Variants in HS3ST2 observed in about 807,000 individuals in gnomAD.
HS3ST2 encodes heparan sulfate-glucosamine 3-sulfotransferase 2.
A neutral mutation model predicts 26.3 loss-of-function variants in HS3ST2; 17 were observed. The ratio of observed to expected loss-of-function variants is 0.65; its 90% CI spans 0.44 to 0.97. The LOEUF (loss-of-function observed/expected upper bound fraction) is 0.97, where lower values mean the gene tolerates loss of function less well. Ranked by LOEUF, HS3ST2 falls within the 50% of genes least tolerant of loss-of-function variation. The pLI is 0.00. For synonymous variants in HS3ST2, 237 were observed against 219.2 expected (o/e 1.08, Z -0.72); for missense variants, 402 against 501.2 (o/e 0.80, Z 1.89).
intron 1 of HS3ST2, among the ~76,000 whole-genome samples, chr16:22,829,738 C>G (rs563226823): frequency 2.6e-5 from 4 of 152,270 alleles, no homozygotes; most frequent in Admixed American, 2.6e-4. Flanking sequence ...GCTTTGGCTT[C>G]TCCTATATAA....
chr16:22,871,994 A>G (rs1901845812), intron 1 of HS3ST2, among the ~76,000 whole-genome samples: 1 of 152,216 alleles, frequency 6.6e-6, no homozygotes, highest in Non-Finnish European at 1.5e-5. Context: ...TAACGATTAC[A>G]GATGGTGCCA....
intron 1 of HS3ST2, among the ~76,000 whole-genome samples, chr16:22,909,602 G>C (rs980832780): frequency 6.6e-6 from 1 of 152,166 alleles, no homozygotes; most frequent in Non-Finnish European, 1.5e-5. Context: ...AAATATTCAA[G>C]GGTGTTTTTT....
At position 22,915,415 on chromosome 16, in the gene HS3ST2, G is replaced by T. The variant is rs779975261; in HGVS notation, c.957G>T (p.Ser319=). 30 of 1,613,676 alleles carry T rather than the reference G, an allele frequency of 1.9e-5. 1 individual carries two copies. The South Asian group carries it at 3.3e-4, about 18-fold the overall frequency. The change falls in exon 2 of 2, where the codon TCG becomes TCT. Residue 319 remains serine, a synonymous_variant. Coordinates refer to ENST00000261374, the MANE Select transcript of HS3ST2 (RefSeq NM_006043.2). ...KGFPCLKKTE[S]SLLPRCLGKS... ...TCCCTTGCTTGAAAAAAACAGAATC[G>T]AGCCTCCTGCCTCGATGCTTGGGCA...
chr16:22,866,538 G>C (rs1901755297), intron 1 of HS3ST2, among the ~76,000 whole-genome samples: 1 of 152,152 alleles, frequency 6.6e-6, no homozygotes, highest in African/African-American at 2.4e-5. Context: ...GGGAGGCTAA[G>C]GCAGGCAGAT....
chr16:22,831,671 A>G (rs747528299), intron 1 of HS3ST2, among the ~76,000 whole-genome samples: 33 of 152,030 alleles, frequency 2.2e-4, no homozygotes, highest in Non-Finnish European at 3.8e-4. Context: ...TGTAACTTGG[A>G]TGAATCTCAA....
In HS3ST2 at chr16:22,915,308, G is replaced by A. The variant is rs1029443879; in HGVS notation, c.850G>A (p.Glu284Lys). ...GERLITDPAG[E>K]MGRVQDFLGI... ...GCGACTCATCACTGACCCGGCCGGC[G>A]AGATGGGGCGAGTCCAGGACTTCCT... Residue 284 changes from glutamate to lysine, a missense_variant, in exon 2 of 2, where the codon GAG (glutamate) becomes AAG (lysine). Physicochemically the swap from Glu to Lys is moderately conservative, Grantham distance 56. Coordinates refer to ENST00000261374, the MANE Select transcript of HS3ST2 (RefSeq NM_006043.2). 1.2e-6 allele frequency: 2 copies of A among 1,614,032 alleles called. No individual in the cohort carries two copies. Among genetic ancestry groups the A allele is most frequent in the Non-Finnish European group, 1.7e-6 (2 of 1,180,004 alleles).
intron 1 of HS3ST2, among the ~76,000 whole-genome samples, chr16:22,846,678 G>A (rs1901437718): frequency 6.6e-6 from 1 of 152,190 alleles, no homozygotes; most frequent in African/African-American, 2.4e-5. Context: ...TACTGTTGAT[G>A]AGAAGGTGGA....
intron 1 of HS3ST2, among the ~76,000 whole-genome samples, chr16:22,901,263 C>T (rs772658438): frequency 3.3e-5 from 5 of 152,266 alleles, no homozygotes; most frequent in Admixed American, 6.5e-5. Flanking sequence ...ATCAATTAGC[C>T]GATTCTGATT....
chr16:22,878,261 A>G (rs1160672213), intron 1 of HS3ST2, among the ~76,000 whole-genome samples: 3 of 152,190 alleles, frequency 2.0e-5, no homozygotes, highest in Non-Finnish European at 4.4e-5. Context: ...TTTTTTTTAG[A>G]AGTTCAACTT....
chr16:22,815,024 G>A lies in HS3ST2; in HGVS notation c.414G>A (p.Pro138=). 6.2e-7 allele frequency: 1 copy of A among 1,613,162 alleles called. No homozygotes were observed. The highest frequency in any genetic ancestry group is 8.5e-7 in the Non-Finnish European group (1 of 1,180,028). Residue 138 remains proline, a synonymous_variant, in exon 1 of 2, where the codon CCG becomes CCA. Transcript: ENST00000261374. ...TGCTGGAGTTTATCCGAGTACACCC[G>A]GACGTGCGGGCCTTGGGCACGGAAC... ...RAVLEFIRVH[P]DVRALGTEPH...
intron 1 of HS3ST2, among the ~76,000 whole-genome samples, chr16:22,832,760 C>T (rs1489769585): frequency 2.0e-5 from 3 of 151,286 alleles, no homozygotes; most frequent in African/African-American, 4.9e-5. Context: ...AAAGATGGGC[C>T]ATGAGCCACA....
chr16:22,911,539 C>T (rs1199293541), intron 1 of HS3ST2, among the ~76,000 whole-genome samples: 1 of 152,174 alleles, frequency 6.6e-6, no homozygotes, highest in Non-Finnish European at 1.5e-5. Flanking sequence ...AAATTGTTAG[C>T]AGGGTTGGTT....
At chr16:22,883,395 A>T (rs1228819406) in intron 1 of HS3ST2, among the ~76,000 whole-genome samples, 1 of 152,270 alleles carries the variant, frequency 6.6e-6, no homozygotes, top group Non-Finnish European at 1.5e-5. Flanking sequence ...TTGGATGAAT[A>T]GGAGATATTT....
At chr16:22,835,243 A>T (rs901994037) in intron 1 of HS3ST2, among the ~76,000 whole-genome samples, 4 of 151,446 alleles carry the variant, frequency 2.6e-5, no homozygotes, top group African/African-American at 9.7e-5. Flanking sequence ...AGCCTTCTTT[A>T]TTCCCCTGTT....
At chr16:22,860,601 A>T (rs1020375911) in intron 1 of HS3ST2, among the ~76,000 whole-genome samples, 2 of 152,082 alleles carry the variant, frequency 1.3e-5, no homozygotes, top group Non-Finnish European at 2.9e-5. Context: ...AGGAATTGCC[A>T]TCTATTTTGT....
intron 1 of HS3ST2, among the ~76,000 whole-genome samples, chr16:22,891,041 T>TA (rs1902121026): frequency 6.6e-6 from 1 of 152,216 alleles, no homozygotes; most frequent in Admixed American, 6.5e-5. Flanking sequence ...TGTGGAATTT[T>TA]AAAAAACGAG....
chr16:22,907,839 T>C (rs1005992800), intron 1 of HS3ST2, among the ~76,000 whole-genome samples: 3 of 152,230 alleles, frequency 2.0e-5, no homozygotes, highest in Non-Finnish European at 1.5e-5. Context: ...GAGGATCACA[T>C]AGAATGACAG....
rs550149791 is a variant in HS3ST2 at position 22,904,986 on chromosome 16, A to C, written c.486-9958A>C. 1.8e-3 allele frequency among the ~76,000 whole-genome samples: 271 copies of C among 152,196 alleles called. 2 individuals are homozygous for C. The highest frequency in any genetic ancestry group is 3.2e-3 in the Non-Finnish European group (220 of 68,034). ...ATGGCTCAGTGTGTGGGGGTTTAGC[A>C]GGTTTAGTTTTAAGAACCAGTTTCT... On this transcript the variant is annotated intron_variant, in intron 1 of 1. Coordinates refer to ENST00000261374, the MANE Select transcript of HS3ST2 (RefSeq NM_006043.2).
chr16:22,904,467 A>G (rs1902322462), intron 1 of HS3ST2, among the ~76,000 whole-genome samples: 2 of 152,190 alleles, frequency 1.3e-5, no homozygotes, highest in Admixed American at 1.3e-4. Context: ...AAAATGGGTT[A>G]TGTCTATAGT....
Sources: gnomAD v4.1 joint callset for allele counts (sites outside exome capture counted in the v4.1 genomes callset) on GRCh38, gnomAD v4.1.1 for gene constraint, MANE v1.5 for transcripts, NCBI Gene and HGNC (gene_info 2026-07-23, HGNC 2026-07-21) for gene names.